The following TAF12 variants were observed in gnomAD, a reference collection of about 807,000 sequenced individuals.
TAF12 encodes transcription initiation factor TFIID subunit 12.
A neutral mutation model predicts 20.8 loss-of-function variants in TAF12; 3 were observed. That is an observed-to-expected ratio of 0.14 (90% CI 0.07 to 0.37). The LOEUF is 0.37. Among genes scored for constraint, TAF12 ranks in the 10% least tolerant of loss-of-function variants. The pLI is 1.00. For synonymous variants in TAF12, 69 were observed against 70.2 expected (o/e 0.98, Z 0.09); for missense variants, 131 against 197.9 (o/e 0.66, Z 2.03).
At chr1:28,647,964 T>C (rs1013185475), upstream of TAF12, among the ~76,000 whole-genome samples, 12 of 152,172 alleles carry the variant, frequency 7.9e-5, no homozygotes, top group Non-Finnish European at 1.6e-4. Flanking sequence ...CTGTACCTTA[T>C]TCTACAACTC....
At chr1:28,621,774 G>T in intron 2 of TAF12, 140 bp downstream of exon 2, 1 of 1,316,830 alleles carries the variant, frequency 7.6e-7, no homozygotes, top group Non-Finnish European at 1.0e-6. Context: ...AACAAAAAAA[G>T]TTAGAAATCC....
chr1:28,636,129 T>C (rs1226187907), intron 1 of TAF12, among the ~76,000 whole-genome samples: 2 of 152,154 alleles, frequency 1.3e-5, no homozygotes, highest in Non-Finnish European at 2.9e-5. Context: ...TCGAGAGCAA[T>C]AGAAATGCAA....
intron 1 of TAF12, among the ~76,000 whole-genome samples, chr1:28,632,171 C>T (rs1273828119): frequency 6.6e-6 from 1 of 152,208 alleles, no homozygotes; most frequent in Non-Finnish European, 1.5e-5. Flanking sequence ...GGTACAGTGG[C>T]TCACATCTGC....
intron 1 of TAF12, among the ~76,000 whole-genome samples, chr1:28,633,492 C>T (rs1442208463): frequency 6.7e-6 from 1 of 148,498 alleles, no homozygotes; most frequent in Non-Finnish European, 1.5e-5. Context: ...AAAAGTAAAA[C>T]AGGGCCAGGT....
upstream of TAF12, among the ~76,000 whole-genome samples, chr1:28,644,006 G>A (rs1668123053): frequency 6.6e-6 from 1 of 151,262 alleles, no homozygotes. Context: ...AGCCGAGATC[G>A]CGCCACTGCA....
Position 28,643,025 on chromosome 1 carries a change from A to C in TAF12, c.-118T>G. The C allele has an allele frequency of 1.0e-6, 1 of 985,894 alleles. No individual in the cohort carries two copies. Among genetic ancestry groups the C allele is most frequent in the Non-Finnish European group, 1.2e-6 (1 of 829,960 alleles). The allele number at this position is 985,894 out of a possible 1,614,324, so 61.1% of individuals were successfully genotyped here. ...GCGTCTATCTCCCCATGATATGCAGAGACTGCCCCAGTGAAGCGTTCGTCT... is the reference window on the plus strand; with the variant it reads ...GCGTCTATCTCCCCATGATATGCAGCGACTGCCCCAGTGAAGCGTTCGTCT... On this transcript the variant is annotated 5_prime_UTR_variant, in exon 1 of 6. Coordinates refer to ENST00000373824, the MANE Select transcript of TAF12 (RefSeq NM_005644.4).
At chr1:28,626,823 T>G (rs1039695140) in intron 1 of TAF12, among the ~76,000 whole-genome samples, 1 of 151,776 alleles carries the variant, frequency 6.6e-6, no homozygotes, top group Non-Finnish European at 1.5e-5. Context: ...GGCAGGAGAA[T>G]CACTTGAACC....
chr1:28,643,073 G>A (rs1003429414), upstream of TAF12: 102 of 985,816 alleles, frequency 1.0e-4, no homozygotes, highest in Non-Finnish European at 1.2e-4. Flanking sequence ...CGACTGCGCG[G>A]CCCTCCCCGA....
At chr1:28,609,916 C>T (rs2124303339) in intron 4 of TAF12, among the ~76,000 whole-genome samples, 1 of 152,270 alleles carries the variant, frequency 6.6e-6, no homozygotes, top group Admixed American at 6.5e-5. Context: ...CCCCTTAGCC[C>T]CTGGTAATCA....
chr1:28,616,745 T>C (rs538327237), intron 3 of TAF12, among the ~76,000 whole-genome samples: 1 of 151,518 alleles, frequency 6.6e-6, no homozygotes, highest in African/African-American at 2.4e-5. Flanking sequence ...AAAAAATAAA[T>C]AAATAAATAA....
chr1:28,621,791 G>T, intron 2 of TAF12, 123 bp downstream of exon 2: 1 of 1,423,654 alleles, frequency 7.0e-7, no homozygotes. Flanking sequence ...ATCCAAAAGA[G>T]GGAAAAGACC....
chr1:28,603,714 A>C, intron 5 of TAF12, 140 bp from the exon 6 acceptor site: 10 of 772,760 alleles, frequency 1.3e-5, no homozygotes, highest in Non-Finnish European at 2.2e-5. Context: ...AAGGCATCTC[A>C]GTAGATTCCT....
At chr1:28,629,222 T>C (rs1667537767) in intron 1 of TAF12, among the ~76,000 whole-genome samples, 1 of 152,212 alleles carries the variant, frequency 6.6e-6, no homozygotes, top group Non-Finnish European at 1.5e-5. Flanking sequence ...GTCTTATTTT[T>C]CACTGTACAC....
At position 28,622,112 on chromosome 1, in the gene TAF12, G is replaced by C. The variant is rs773361349; in HGVS notation, c.-31C>G. On this transcript the variant is annotated 5_prime_UTR_variant, in exon 2 of 6. Coordinates refer to ENST00000373824, the MANE Select transcript of TAF12 (RefSeq NM_005644.4). Reference sequence around the variant, plus strand: ...GCCGAGCTTTGGACTTCAGCTCATAGAGCTTATCGAGATCCTGTTTCTTTT... The same window carrying C: ...GCCGAGCTTTGGACTTCAGCTCATACAGCTTATCGAGATCCTGTTTCTTTT... 1.3e-6 allele frequency: 2 copies of C among 1,579,394 alleles called. No individual in the cohort carries two copies. Among genetic ancestry groups the C allele is most frequent in the Admixed American group, 3.9e-5 (2 of 51,098 alleles).
intron 1 of TAF12, among the ~76,000 whole-genome samples, chr1:28,634,185 G>T (rs1557472600): frequency 6.6e-6 from 1 of 151,734 alleles, no homozygotes; most frequent in African/African-American, 2.4e-5. Context: ...GGAGGCTGAA[G>T]CAGGTGGATC....
At chr1:28,638,282 C>T (rs1435422219) in intron 1 of TAF12, among the ~76,000 whole-genome samples, 1 of 151,218 alleles carries the variant, frequency 6.6e-6, no homozygotes, top group African/African-American at 2.4e-5. Flanking sequence ...CTCCGCCTCT[C>T]AGGTTCAAAG....
rs1667094485 is a variant in TAF12 at position 28,617,937 on chromosome 1, C to T, written c.246+16G>A. 1.9e-6 allele frequency: 3 copies of T among 1,612,822 alleles called. No individual in the cohort carries two copies. Among genetic ancestry groups the T allele is most frequent in the Non-Finnish European group, 2.5e-6 (3 of 1,178,894 alleles). On this transcript the variant is annotated intron_variant, in intron 3 of 5. Transcript: ENST00000373824. ...TTCTCAGGGACCAGTTTCTGGGGTA[C>T]CCAACCCCACCTTACCTCCTCCACA... is the stretch of plus-strand genomic sequence containing the variant.
At chr1:28,610,957 CAAAAAAAA>C (rs1170666206) in intron 4 of TAF12, among the ~76,000 whole-genome samples, 1 of 26,796 alleles carries the variant, frequency 3.7e-5, no homozygotes, top group Non-Finnish European at 6.9e-5. Flanking sequence ...GAGACTGTCT[CAAAAAAAA>C]AAAAAAAAAA....
intron 1 of TAF12, among the ~76,000 whole-genome samples, chr1:28,634,281 T>C (rs1347278021): frequency 6.6e-6 from 1 of 151,590 alleles, no homozygotes; most frequent in African/African-American, 2.4e-5. Context: ...CCAGGCGTGG[T>C]GGCGCTTGCC....
Sources: allele counts gnomAD v4.1 joint callset (sites outside exome capture counted in the v4.1 genomes callset), GRCh38; gene constraint gnomAD v4.1.1; transcripts MANE v1.5; gene names NCBI Gene and HGNC (gene_info 2026-07-23, HGNC 2026-07-21).